The following FHOD3 variants were observed in gnomAD, a reference collection of about 807,000 sequenced individuals.
The protein encoded by FHOD3 is FH1/FH2 domain-containing protein 3.
In FHOD3, 90 loss-of-function variants were observed where a neutral mutation model predicts 173.0. The ratio of observed to expected loss-of-function variants is 0.52; its 90% CI spans 0.44 to 0.62. FHOD3 has a LOEUF of 0.62. Ranked by LOEUF, FHOD3 falls within the 20% of genes least tolerant of loss-of-function variation. The pLI is 0.00. For synonymous variants in FHOD3, 828 were observed against 823.0 expected, an observed-to-expected ratio of 1.01 and a Z score of -0.10; for missense variants, 1,945 against 2,034.7, an observed-to-expected ratio of 0.96 and a Z score of 0.85.
At chr18:36,365,153 G>A (rs1293624595) in intron 2 of FHOD3, among the ~76,000 whole-genome samples, 1 of 152,162 alleles carries the variant, frequency 6.6e-6, no homozygotes, top group Non-Finnish European at 1.5e-5. Flanking sequence ...ACTCCCAGAG[G>A]AAAACAGGAG....
chr18:36,599,367 T>C (rs1178780816), intron 7 of FHOD3, among the ~76,000 whole-genome samples: 1 of 152,242 alleles, frequency 6.6e-6, no homozygotes, highest in Non-Finnish European at 1.5e-5. Context: ...CACGCATGAT[T>C]AGCAGGAAAA....
At chr18:36,658,585 T>C (rs2036575874) in intron 14 of FHOD3, among the ~76,000 whole-genome samples, 1 of 152,186 alleles carries the variant, frequency 6.6e-6, no homozygotes, top group Non-Finnish European at 1.5e-5. Flanking sequence ...AGTGGGCCCA[T>C]TAAGGTGCTG....
intron 16 of FHOD3, among the ~76,000 whole-genome samples, chr18:36,690,332 T>C (rs755066879): frequency 6.6e-6 from 1 of 152,174 alleles, no homozygotes; most frequent in Non-Finnish European, 1.5e-5. Context: ...AAGTCTTTTC[T>C]TGGGGCTGTG....
intron 7 of FHOD3, 121 bp downstream of exon 7, chr18:36,595,019 C>T (rs1455795605): frequency 6.3e-6 from 4 of 632,774 alleles, no homozygotes; most frequent in Non-Finnish European, 1.1e-5. Flanking sequence ...TGTGGACTTC[C>T]CACTGCAAGA....
rs147199968 is a variant in FHOD3, at chr18:36,566,267, TATGTATCTCTA to T, written c.512-10171_512-10161del. Reference sequence around the variant, plus strand: ...TAACTAATTTGGTATCGGATCCTTGTATGTATCTCTAATGTATCTCTAAGAAAACATTTTTA... The same window carrying T: ...TAACTAATTTGGTATCGGATCCTTGTATGTATCTCTAAGAAAACATTTTTA... On this transcript the variant is annotated intron_variant, in intron 5 of 28. Transcript: ENST00000590592. Among the ~76,000 whole-genome samples the T allele has an allele frequency of 2.4e-3, 360 of 152,344 alleles. 2 individuals carry two copies. Among genetic ancestry groups the T allele is most frequent in the African/African-American group, 8.2e-3 (339 of 41,588 alleles).
chr18:36,502,445 C>T (rs1040548023), intron 4 of FHOD3, among the ~76,000 whole-genome samples: 4 of 152,186 alleles, frequency 2.6e-5, no homozygotes, highest in Admixed American at 6.5e-5. Flanking sequence ...TCCCCTCCCT[C>T]TGTCCATGTG....
intron 16 of FHOD3, among the ~76,000 whole-genome samples, chr18:36,691,042 A>C (rs1035411498): frequency 2.6e-5 from 4 of 152,182 alleles, no homozygotes; most frequent in African/African-American, 9.6e-5. Context: ...CAAAGGGTAC[A>C]CAGGAATAGC....
At chr18:36,426,301 C>T (rs1302060236) in intron 3 of FHOD3, among the ~76,000 whole-genome samples, 1 of 152,124 alleles carries the variant, frequency 6.6e-6, no homozygotes, top group Non-Finnish European at 1.5e-5. Flanking sequence ...CACAGATAGG[C>T]TAGGTAACTT....
At chr18:36,556,356 A>G (rs944787206) in intron 5 of FHOD3, among the ~76,000 whole-genome samples, 2 of 152,092 alleles carry the variant, frequency 1.3e-5, no homozygotes, top group African/African-American at 4.8e-5. Context: ...CAAAAATACA[A>G]TATTTGCTGG....
Position 36,298,020 on chromosome 18 carries a change from G to A in FHOD3, c.165+20G>A. The A allele has an allele frequency of 1.3e-6, 2 of 1,508,540 alleles. No individual in the cohort carries two copies. Among genetic ancestry groups the A allele is most frequent in the South Asian group, 1.3e-5 (1 of 78,484 alleles). The allele number at this position is 1,508,540 out of a possible 1,614,324, so 93.4% of individuals were successfully genotyped here. On this transcript the variant is annotated intron_variant, in intron 1 of 28. Transcript: ENST00000590592. ...CACAAGGTACGACCCGGCGGGGTGG[G>A]CTGGGCCCCCTGGACTCAGCCCCCT...
chr18:36,564,532 G>A (rs1486524987), intron 5 of FHOD3, among the ~76,000 whole-genome samples: 1 of 152,148 alleles, frequency 6.6e-6, no homozygotes, highest in Non-Finnish European at 1.5e-5. Flanking sequence ...CTTTAGCATG[G>A]GAATCTTGGA....
intron 3 of FHOD3, among the ~76,000 whole-genome samples, chr18:36,387,847 G>T (rs2048103067): frequency 6.6e-6 from 1 of 152,060 alleles, no homozygotes. Flanking sequence ...GTGGTGTGAT[G>T]TGTCTACTCC....
chr18:36,565,844 G>T (rs898575433), intron 5 of FHOD3, among the ~76,000 whole-genome samples: 5 of 152,176 alleles, frequency 3.3e-5, no homozygotes, highest in African/African-American at 1.2e-4. Context: ...GAACTCTGTG[G>T]CCTCAAATAT....
In FHOD3 at chr18:36,297,771, C is replaced by T; in HGVS notation, c.-65C>T. 2 of 1,391,508 alleles carry T rather than the reference C, an allele frequency of 1.4e-6. No homozygotes were observed. The highest frequency in any genetic ancestry group is 3.2e-5 in the East Asian group (1 of 31,370). 86.2% of individuals were successfully genotyped at this position (1,391,508 alleles called of 1,614,324 possible). A position where few individuals can be genotyped will look rare whatever the true frequency, so the allele number is the denominator to read the frequency against. ...CTGCGGCCTCCCCTGCGCGCAGCTACCCGGGCGTCCCGGCCCGCGGCCCCG... is the reference window on the plus strand; with the variant it reads ...CTGCGGCCTCCCCTGCGCGCAGCTATCCGGGCGTCCCGGCCCGCGGCCCCG... On this transcript the variant is annotated 5_prime_UTR_variant, in exon 1 of 29. Coordinates refer to ENST00000590592, the MANE Select transcript of FHOD3 (RefSeq NM_001281740.3).
Position 36,652,794 on chromosome 18 carries a change from G to T in FHOD3, c.1511G>T (p.Gly504Val). 1 of 1,535,968 alleles carries T rather than the reference G, an allele frequency of 6.5e-7. No homozygotes were observed. Residue 504 changes from glycine (G) to valine (V), a missense_variant, in exon 12 of 29, where the codon GGC becomes GTC. By Grantham distance (109) the Gly-to-Val change is moderately radical (BLOSUM62 -3). Around this residue, in one of 5 missense-constraint regions of FHOD3, gnomAD observed 1,099 missense variants for 1,051.2 expected, o/e 1.05. Coordinates refer to ENST00000590592, the MANE Select transcript of FHOD3 (RefSeq NM_001281740.3). ...SAARPSSATPGSLKVSPTIDK... is the reference protein window; with the variant it reads ...SAARPSSATPVSLKVSPTIDK... The stretch of plus-strand genomic sequence containing the variant: ...GCTCGGCCCTCCTCCGCCACACCAG[G>T]CTCCCTGAAGGTGTCACCGACCATA...
chr18:36,396,607 T>C (rs899729452), intron 3 of FHOD3, among the ~76,000 whole-genome samples: 1 of 152,220 alleles, frequency 6.6e-6, no homozygotes, highest in African/African-American at 2.4e-5. Flanking sequence ...CTAATTCTGA[T>C]TTATGTTCTT....
At chr18:36,523,962 T>G (rs1053112857) in intron 5 of FHOD3, among the ~76,000 whole-genome samples, 2 of 152,062 alleles carry the variant, frequency 1.3e-5, no homozygotes, top group African/African-American at 4.8e-5. Context: ...TTGAAAACAA[T>G]GGTGAACTAT....
chr18:36,350,226 C>T (rs1210442989), intron 1 of FHOD3, among the ~76,000 whole-genome samples: 10 of 152,202 alleles, frequency 6.6e-5, no homozygotes, highest in African/African-American at 7.2e-5. Flanking sequence ...TTATCCCAGG[C>T]GGAGTGGCAC....
chr18:36,621,005 G>A (rs1020519236), intron 9 of FHOD3, among the ~76,000 whole-genome samples: 2 of 152,142 alleles, frequency 1.3e-5, no homozygotes, highest in African/African-American at 4.8e-5. Flanking sequence ...TGGCCATTAT[G>A]TCTTGGACTT....
Sources: gnomAD v4.1 joint callset for allele counts (sites outside exome capture counted in the v4.1 genomes callset) on GRCh38, gnomAD v4.1.1 for gene constraint, gnomAD v4.1.1 regional missense constraint, MANE v1.5 for transcripts, NCBI Gene and HGNC (gene_info 2026-07-23, HGNC 2026-07-21) for gene names.